The following SLC38A12 variants were observed in gnomAD, a reference collection of about 807,000 sequenced individuals.
SLC38A12 encodes solute carrier family 38 member 12, also known as putative sodium-coupled neutral amino acid transporter 12.
At chr17:74,812,251 G>C in the SLC38A12 span, among the ~76,000 whole-genome samples, 1 of 152,240 alleles carries the variant, frequency 6.6e-6, no homozygotes, top group South Asian at 2.1e-4. Context: ...AGCTCTCGCA[G>C]TTAGAAGGGA....
chr17:74,785,580 G>T, the SLC38A12 span: 1 of 1,614,114 alleles, frequency 6.2e-7, no homozygotes. Flanking sequence ...GCCTCGTCCT[G>T]CTGGTGTTCC....
chr17:74,817,847 A>C, the SLC38A12 span, among the ~76,000 whole-genome samples: 2 of 152,076 alleles, frequency 1.3e-5, no homozygotes, highest in African/African-American at 4.8e-5. Context: ...CTCCCACATA[A>C]GCCACCCCCA....
At chr17:74,781,611 TC>T in the SLC38A12 span, among the ~76,000 whole-genome samples, 1 of 152,186 alleles carries the variant, frequency 6.6e-6, no homozygotes, top group Admixed American at 6.5e-5. Context: ...CTCTTTGCTT[TC>T]TCTTTACTTC....
At chr17:74,806,995 A>G in the SLC38A12 span, among the ~76,000 whole-genome samples, 3 of 152,026 alleles carry the variant, frequency 2.0e-5, no homozygotes, top group African/African-American at 4.8e-5. Context: ...TCTGATTGCC[A>G]TCTCCCTGCT....
chr17:74,839,674 A>G, the SLC38A12 span: 1 of 154,992 alleles, frequency 6.5e-6, no homozygotes, highest in Non-Finnish European at 1.4e-5. Flanking sequence ...GGTAACAGCT[A>G]TGTCACTGGC....
At chr17:74,837,995 C>T in the SLC38A12 span, 8 of 985,830 alleles carry the variant, frequency 8.1e-6, no homozygotes, top group Admixed American at 6.1e-5. Context: ...CTTGCTCAGC[C>T]CCTCCCCTGT....
At chr17:74,787,236 G>A in the SLC38A12 span, among the ~76,000 whole-genome samples, 2 of 152,246 alleles carry the variant, frequency 1.3e-5, no homozygotes, top group Middle Eastern at 6.8e-3. Context: ...CCTGCCACCT[G>A]ACGTCAGGGT....
chr17:74,787,142 A>T, the SLC38A12 span, among the ~76,000 whole-genome samples: 1 of 152,198 alleles, frequency 6.6e-6, no homozygotes. Flanking sequence ...GGCGATTGGA[A>T]TGGGGGTTTC....
At chr17:74,827,037 A>G in the SLC38A12 span, among the ~76,000 whole-genome samples, 1 of 152,146 alleles carries the variant, frequency 6.6e-6, no homozygotes, top group Non-Finnish European at 1.5e-5. This position sits in a 1 kb window ranked among gnomAD's most constrained non-coding sequence, Gnocchi z 4.7. Flanking sequence ...CTGTTCTGAC[A>G]GCAGCTTGAC....
chr17:74,799,570 C>T, the SLC38A12 span, among the ~76,000 whole-genome samples: 1 of 152,170 alleles, frequency 6.6e-6, no homozygotes, highest in African/African-American at 2.4e-5. Context: ...CCGGACACCC[C>T]CTTGAAGAAG....
chr17:74,785,140 G>A, the SLC38A12 span, among the ~76,000 whole-genome samples: 2 of 152,170 alleles, frequency 1.3e-5, no homozygotes, highest in Non-Finnish European at 2.9e-5. Context: ...CCCCGCCTAT[G>A]ATGCTCTGTC....
the SLC38A12 span, chr17:74,836,783 G>T: frequency 6.7e-7 from 1 of 1,483,224 alleles, no homozygotes; most frequent in Non-Finnish European, 8.9e-7. The surrounding 1 kb of genome is among the most constrained non-coding windows in gnomAD (Gnocchi z 4.2). Flanking sequence ...AGGTCTTCAT[G>T]GGGCAGGTGG....
At chr17:74,826,549 C>G in the SLC38A12 span, among the ~76,000 whole-genome samples, 1 of 152,212 alleles carries the variant, frequency 6.6e-6, no homozygotes, top group Non-Finnish European at 1.5e-5. Context: ...GGGTGAGTTG[C>G]TAGGCAAAGC....
the SLC38A12 span, among the ~76,000 whole-genome samples, chr17:74,802,932 C>T: frequency 6.6e-6 from 1 of 152,092 alleles, no homozygotes; most frequent in African/African-American, 2.4e-5. Context: ...GTTGCTCATC[C>T]CTCACCCCAC....
the SLC38A12 span, among the ~76,000 whole-genome samples, chr17:74,792,312 G>C: frequency 1.3e-5 from 2 of 151,976 alleles, no homozygotes. Context: ...TTAGCTGGGC[G>C]TGGTGGTGCA....
chr17:74,785,475 G>T, the SLC38A12 span: 1 of 1,607,890 alleles, frequency 6.2e-7, no homozygotes, highest in Non-Finnish European at 8.5e-7. Flanking sequence ...GCCTCTGTCG[G>T]TTCCAGGTTG....
chr17:74,783,006 C>CTGT, the SLC38A12 span, among the ~76,000 whole-genome samples: 3 of 152,200 alleles, frequency 2.0e-5, no homozygotes, highest in Admixed American at 6.5e-5. Context: ...TGGTGGGTGC[C>CTGT]TGTAATCCCA....
chr17:74,800,526 T>A, the SLC38A12 span, among the ~76,000 whole-genome samples: 4 of 152,272 alleles, frequency 2.6e-5, no homozygotes, highest in South Asian at 8.3e-4. Flanking sequence ...GGGTCAACGC[T>A]GCCTTCACTT....
chr17:74,790,952 G>A, the SLC38A12 span: 7 of 1,613,992 alleles, frequency 4.3e-6, no homozygotes, highest in Non-Finnish European at 5.9e-6. Context: ...TTTTGGCTCT[G>A]CAGAGAGACG....
Sources: gnomAD v4.1 joint callset for allele counts (sites outside exome capture counted in the v4.1 genomes callset) on GRCh38, gnomAD v4.1.1 for gene constraint, Gnocchi (gnomAD v3.1) non-coding constraint, MANE v1.5 for transcripts, NCBI Gene and HGNC (gene_info 2026-07-23, HGNC 2026-07-21) for gene names.